The following TENM4 variants were observed in gnomAD, a reference collection of about 807,000 sequenced individuals.
TENM4 encodes teneurin transmembrane protein 4.
TENM4 carries 82 observed loss-of-function variants against 243.3 expected under a neutral mutation model. That is an observed-to-expected ratio of 0.34 (90% CI 0.28 to 0.40). The LOEUF is 0.40. Ranked by LOEUF, TENM4 falls within the 10% of genes least tolerant of loss-of-function variation. The pLI is 1.00. For synonymous variants in TENM4, 1,412 were observed against 1,456.3 expected, an observed-to-expected ratio of 0.97 and a Z score of 0.69; for missense variants, 3,138 against 3,673.3, an observed-to-expected ratio of 0.85 and a Z score of 3.77.
chr11:78,725,096 G>A (rs1188252013), intron 23 of TENM4, among the ~76,000 whole-genome samples: 2 of 152,194 alleles, frequency 1.3e-5, no homozygotes, highest in East Asian at 3.8e-4. Context: ...ACTCTTCCCA[G>A]GTCAGTTTCT....
chr11:78,998,039 T>G (rs1858221487), intron 6 of TENM4, among the ~76,000 whole-genome samples: 1 of 152,168 alleles, frequency 6.6e-6, no homozygotes, highest in Non-Finnish European at 1.5e-5. Flanking sequence ...AAAAACCAAA[T>G]CTGCTGGCAC....
intron 6 of TENM4, among the ~76,000 whole-genome samples, chr11:79,052,488 C>A (rs1307961247): frequency 6.6e-6 from 1 of 152,140 alleles, no homozygotes; most frequent in Admixed American, 6.5e-5. Context: ...GTTTTATGGG[C>A]TGATCATGGT....
chr11:78,913,350 G>A (rs1388312612), intron 6 of TENM4, among the ~76,000 whole-genome samples: 1 of 152,180 alleles, frequency 6.6e-6, no homozygotes, highest in Non-Finnish European at 1.5e-5. Flanking sequence ...ATTTTGTTGG[G>A]AAAGGCCAGC....
At chr11:79,041,092 C>T (rs1478560844) in intron 6 of TENM4, among the ~76,000 whole-genome samples, 1 of 149,216 alleles carries the variant, frequency 6.7e-6, no homozygotes, top group Non-Finnish European at 1.5e-5. Flanking sequence ...GAGACAGAGT[C>T]TCACTCTGTC....
At chr11:79,253,885 A>G (rs933078762) in intron 2 of TENM4, among the ~76,000 whole-genome samples, 18 of 152,232 alleles carry the variant, frequency 1.2e-4, no homozygotes, top group Admixed American at 2.0e-4. Flanking sequence ...TGAATATTCT[A>G]TTTACAGAAG....
At chr11:78,768,795 T>C (rs569676026) in intron 18 of TENM4, among the ~76,000 whole-genome samples, 1 of 152,322 alleles carries the variant, frequency 6.6e-6, no homozygotes, top group Admixed American at 6.5e-5. Context: ...CCCCATTTCC[T>C]ATGACAAGAA....
In TENM4 at chr11:79,166,224, A is replaced by G. The variant is rs543443327; in HGVS notation, c.-162-17418T>C. On this transcript the variant is annotated intron_variant, in intron 3 of 33. Transcript: ENST00000278550. ...CTTTTGACTTGATGTAAGTCAAGAC[A>G]TGCTCTGCTAGTGATTGTACTAAGA... 3.9e-5 allele frequency among the ~76,000 whole-genome samples: 6 copies of G among 152,352 alleles called. 1 individual carries two copies. In the East Asian group the frequency reaches 1.2e-3, roughly 29 times the overall value.
chr11:78,676,201 C>T lies in TENM4; in HGVS notation c.5447G>A (p.Arg1816His). 3.2e-6 allele frequency: 5 copies of T among 1,571,386 alleles called. No individual in the cohort carries two copies. Among genetic ancestry groups the T allele is most frequent in the Non-Finnish European group, 3.5e-6 (4 of 1,155,550 alleles). The change falls in exon 30 of 34, where the codon CGC becomes CAC. Residue 1816 changes from arginine to histidine, a missense_variant. Transcript: ENST00000278550. ...NGLNLVEWRQ[R>H]KEQARGQVTV... ...GACCTGGCCCCGAGCCTGCTCTTTG[C>T]GCTGGCGCCACTCCACCAGGTTGAG...
intron 6 of TENM4, among the ~76,000 whole-genome samples, chr11:78,925,974 C>T (rs1173887351): frequency 2.6e-5 from 4 of 151,670 alleles, no homozygotes; most frequent in South Asian, 4.2e-4. Context: ...AAAAACAACC[C>T]CAAAGCCCAT....
chr11:79,217,346 T>C (rs900407913), intron 2 of TENM4, among the ~76,000 whole-genome samples: 26 of 152,084 alleles, frequency 1.7e-4, no homozygotes, highest in African/African-American at 6.0e-4. Flanking sequence ...ACAAAATGCC[T>C]TATTATACAA....
At chr11:79,359,036 T>C (rs1857546357) in intron 1 of TENM4, among the ~76,000 whole-genome samples, 2 of 149,984 alleles carry the variant, frequency 1.3e-5, no homozygotes, top group Admixed American at 6.7e-5. Flanking sequence ...GGAGGCTGAG[T>C]GGAAGGATCA....
At chr11:79,434,393 AG>A (rs1859229201) in intron 1 of TENM4, among the ~76,000 whole-genome samples, 1 of 152,090 alleles carries the variant, frequency 6.6e-6, no homozygotes. Context: ...AAAGGGAAGG[AG>A]AAAGGTGGGA....
intron 6 of TENM4, among the ~76,000 whole-genome samples, chr11:78,979,621 A>G (rs575843312): frequency 3.3e-5 from 5 of 152,208 alleles, no homozygotes. Flanking sequence ...TCCCAGGCAG[A>G]GAGAACAGCT....
At chr11:79,098,015 G>A (rs548861292) in intron 4 of TENM4, 1 of 152,194 alleles carries the variant, frequency 6.6e-6, no homozygotes. Flanking sequence ...CAGCATAAAG[G>A]TTGAAGCCAA....
chr11:78,658,471 C>T lies in TENM4; in HGVS notation c.7897G>A (p.Gly2633Ser). 6.2e-7 allele frequency: 1 copy of T among 1,614,042 alleles called. No individual in the cohort carries two copies. The highest frequency in any genetic ancestry group is 8.5e-7 in the Non-Finnish European group (1 of 1,179,898). The change falls in exon 34 of 34, where the codon GGC becomes AGC. Residue 2633 changes from glycine to serine, a missense_variant. By Grantham distance (56) the Gly-to-Ser change is moderately conservative. This residue lies in a region of TENM4 where 2,467 missense variants were observed against 3,059.1 expected (regional missense o/e 0.81). Coordinates refer to ENST00000278550, the MANE Select transcript of TENM4 (RefSeq NM_001098816.3). ...AGGGTTCGCCGCCCCCCACTGAGGC[C>T]CAGGATGGCCAGGTCACCTTCTGAA... is the stretch of plus-strand genomic sequence containing the variant. ...GPSEGDLAILGLSGGRRTLEN... is the reference protein window; with the variant it reads ...GPSEGDLAILSLSGGRRTLEN...
chr11:78,815,579 TG>T (rs1857589681), intron 12 of TENM4, among the ~76,000 whole-genome samples: 1 of 152,200 alleles, frequency 6.6e-6, no homozygotes, highest in South Asian at 2.1e-4. Context: ...AGTCAGGCAC[TG>T]TTTTGTAGCT....
Position 78,702,222 on chromosome 11 carries a change from T to A in TENM4, c.4391A>T (p.His1464Leu). 6.2e-7 allele frequency: 1 copy of A among 1,614,030 alleles called. No individual in the cohort carries two copies. ...AGCGGTGGCTGACTCCAGGGTTGCGTGGATGGCCACCTTGCTTAGCAGGAA... is the reference window on the plus strand; with the variant it reads ...AGCGGTGGCTGACTCCAGGGTTGCGAGGATGGCCACCTTGCTTAGCAGGAA... ...DHFLLSKVAI[H>L]ATLESATALA... The change falls in exon 28 of 34, where the codon CAC (histidine) becomes CTC (leucine). Residue 1464 changes from histidine to leucine, a missense_variant. By Grantham distance (99) the His-to-Leu change is moderately conservative. Transcript: ENST00000278550.
chr11:79,344,808 T>C (rs1433859746), intron 1 of TENM4, among the ~76,000 whole-genome samples: 2 of 152,192 alleles, frequency 1.3e-5, no homozygotes, highest in African/African-American at 2.4e-5. Context: ...AAGACAAATA[T>C]TTCAGGAAAC....
intron 1 of TENM4, among the ~76,000 whole-genome samples, chr11:79,367,876 G>C (rs1364260019): frequency 1.9e-4 from 29 of 152,156 alleles, no homozygotes; most frequent in Non-Finnish European, 1.5e-5. Context: ...CAGGGTGGTG[G>C]GGTCTTTTAT....
Sources: allele counts gnomAD v4.1 joint callset (sites outside exome capture counted in the v4.1 genomes callset), GRCh38; gene constraint gnomAD v4.1.1; regional missense constraint gnomAD v4.1.1; transcripts MANE v1.5; gene names NCBI Gene and HGNC (gene_info 2026-07-23, HGNC 2026-07-21).